PTPN5: variants seen among roughly 807,000 people sequenced by gnomAD.
PTPN5 encodes the protein tyrosine-protein phosphatase non-receptor type 5.
In PTPN5, 29 loss-of-function variants were observed where a neutral mutation model predicts 73.9. The ratio of observed to expected loss-of-function variants is 0.39; its 90% CI spans 0.29 to 0.54. The LOEUF is 0.54. Ranked by LOEUF, PTPN5 falls within the 20% of genes least tolerant of loss-of-function variation. The probability of loss-of-function intolerance (pLI) is 0.65; values close to 1 mark genes in which losing one functional copy is unlikely to be tolerated. For missense variants in PTPN5, 652 were observed against 751.4 expected (o/e 0.87, Z 1.55); for synonymous variants, 267 against 304.7 (o/e 0.88, Z 1.29).
intron 12 of PTPN5, chr11:18,730,040 T>C: frequency 3.3e-6 from 2 of 603,940 alleles, no homozygotes; most frequent in Non-Finnish European, 6.0e-6. Flanking sequence ...GCATGGATCT[T>C]GCCTTTGGTC....
Position 18,729,408 on chromosome 11 carries a change from G to A in PTPN5, c.1604+45C>T, listed in dbSNP as rs1848771185. 1.1e-6 allele frequency: 1 copy of A among 946,150 alleles called. No homozygotes were observed. The highest frequency in any genetic ancestry group is 1.3e-5 in the South Asian group (1 of 77,016). 58.6% of individuals were successfully genotyped at this position (946,150 alleles called of 1,614,324 possible). On this transcript the variant is annotated intron_variant, in intron 14 of 14. Transcript: ENST00000358540. This position sits in a 1 kb window ranked among gnomAD's most constrained non-coding sequence, Gnocchi z 5.2. ...TGGGTCTCTCCCTCTACCCGCTCGGGGCTCTAGCTCCCTTGTGTGTCCCCA... is the reference window on the plus strand; with the variant it reads ...TGGGTCTCTCCCTCTACCCGCTCGGAGCTCTAGCTCCCTTGTGTGTCCCCA...
intron 3 of PTPN5, among the ~76,000 whole-genome samples, chr11:18,758,845 A>G (rs1850266094): frequency 6.6e-6 from 1 of 152,168 alleles, no homozygotes; most frequent in Non-Finnish European, 1.5e-5. Context: ...GATGCAGGGG[A>G]CTGGACCAGA....
chr11:18,788,859 GGAT>G lies in PTPN5; in HGVS notation c.-114+2663_-114+2665del, dbSNP rs533882731. ...CTTAATTTCCCTATCTGCAAAATGA[GGAT>G]GATAACACTATTGTCACGGATGTCT... On this transcript the variant is annotated intron_variant, in intron 1 of 14. Transcript: ENST00000358540. Among the ~76,000 whole-genome samples the G allele has an allele frequency of 8.4e-4, 128 of 152,312 alleles. No individual in the cohort carries two copies. In the Middle Eastern group the frequency reaches 0.02, roughly 24 times the overall value.
At chr11:18,787,221 T>C (rs568915881) in intron 1 of PTPN5, among the ~76,000 whole-genome samples, 2 of 152,214 alleles carry the variant, frequency 1.3e-5, no homozygotes, top group Non-Finnish European at 2.9e-5. Context: ...TTGATCATAG[T>C]ACAGATTACT....
intron 3 of PTPN5, among the ~76,000 whole-genome samples, chr11:18,763,578 G>A (rs1301773327): frequency 6.6e-6 from 1 of 152,202 alleles, no homozygotes; most frequent in African/African-American, 2.4e-5. Flanking sequence ...AACCTATTAT[G>A]CTTATTACTG....
intron 1 of PTPN5, among the ~76,000 whole-genome samples, chr11:18,772,549 C>A (rs948401002): frequency 2.6e-5 from 4 of 152,112 alleles, no homozygotes; most frequent in African/African-American, 9.7e-5. Context: ...TGGGATGTGC[C>A]CAGACAAATG....
rs115132842 is a variant in PTPN5, at chr11:18,766,724, A to G, written c.21-841T>C. On this transcript the variant is annotated intron_variant, in intron 2 of 14. Coordinates refer to ENST00000358540, the MANE Select transcript of PTPN5 (RefSeq NM_006906.2). ...TCTTGAGGGCAACCACTTGACTCAC[A>G]GGGGGTCCCCTACCCTGGGAATGGC... Among the ~76,000 whole-genome samples the G allele has an allele frequency of 9.8e-3, 1,487 of 152,268 alleles. 31 individuals carry two copies. The highest frequency in any genetic ancestry group is 0.034 in the African/African-American group (1,410 of 41,548).
intron 1 of PTPN5, among the ~76,000 whole-genome samples, chr11:18,775,899 T>C (rs1851127395): frequency 6.6e-6 from 1 of 152,158 alleles, no homozygotes; most frequent in Admixed American, 6.5e-5. Flanking sequence ...AAACAGGCCT[T>C]GGTCCATGGA....
chr11:18,751,419 T>C (rs2134252533), intron 3 of PTPN5, among the ~76,000 whole-genome samples: 1 of 152,088 alleles, frequency 6.6e-6, no homozygotes, highest in African/African-American at 2.4e-5. Context: ...GAGGAAAAAA[T>C]TTCCAGCTTC....
intron 1 of PTPN5, among the ~76,000 whole-genome samples, chr11:18,777,191 AAAG>A (rs1477224233): frequency 2.6e-5 from 4 of 152,050 alleles, no homozygotes; most frequent in Non-Finnish European, 4.4e-5. Context: ...CAACACCATA[AAAG>A]TAGTAAACAC....
At chr11:18,778,496 G>A (rs1178783754) in intron 1 of PTPN5, among the ~76,000 whole-genome samples, 1 of 152,188 alleles carries the variant, frequency 6.6e-6, no homozygotes, top group African/African-American at 2.4e-5. Flanking sequence ...CAGTGTTGGA[G>A]GTGGGGCCTG....
chr11:18,777,318 G>A (rs1215518906), intron 1 of PTPN5, among the ~76,000 whole-genome samples: 4 of 152,214 alleles, frequency 2.6e-5, no homozygotes, highest in Non-Finnish European at 5.9e-5. Flanking sequence ...TGTGAAGCAA[G>A]GATAAATGTG....
At chr11:18,790,181 A>C (rs1851851723) in intron 1 of PTPN5, among the ~76,000 whole-genome samples, 1 of 151,526 alleles carries the variant, frequency 6.6e-6, no homozygotes, top group South Asian at 2.1e-4. Flanking sequence ...CTGAGAAACC[A>C]CCCGAACCTG....
At position 18,728,683 on chromosome 11, in the gene PTPN5, G is replaced by C. The variant is rs544274945; in HGVS notation, c.*251C>G. The C allele has an allele frequency of 1.0e-4, 48 of 457,790 alleles. No homozygotes were observed. Among genetic ancestry groups the C allele is most frequent in the African/African-American group, 9.4e-4 (47 of 49,836 alleles). 28.4% of individuals were successfully genotyped at this position (457,790 alleles called of 1,614,324 possible). ...AAAACTGGAGCCCGGGGTCTGCGTG[G>C]TGTGGGTCAGGCCCCGGGGCCCCAG... On this transcript the variant is annotated 3_prime_UTR_variant, in exon 15 of 15. Transcript: ENST00000358540. The surrounding 1 kb of genome is among the most constrained non-coding windows in gnomAD (Gnocchi z 4.1).
intron 3 of PTPN5, 187 bp from the exon 4 acceptor site, chr11:18,744,386 G>A: frequency 2.3e-6 from 1 of 435,664 alleles, no homozygotes; most frequent in African/African-American, 2.0e-5. Flanking sequence ...GCTAAGTGTG[G>A]GTGGACAAAT....
chr11:18,787,094 C>T (rs545342605), intron 1 of PTPN5, among the ~76,000 whole-genome samples: 37 of 152,258 alleles, frequency 2.4e-4, no homozygotes, highest in African/African-American at 8.7e-4. Flanking sequence ...ACTATTTCGT[C>T]TTAGTCAACA....
Position 18,728,908 on chromosome 11 carries a change from C to T in PTPN5, c.*26G>A, listed in dbSNP as rs764871927. 6.2e-7 allele frequency: 1 copy of T among 1,607,184 alleles called. No homozygotes were observed. The highest frequency in any genetic ancestry group is 8.5e-7 in the Non-Finnish European group (1 of 1,176,874). On this transcript the variant is annotated 3_prime_UTR_variant, in exon 15 of 15. Transcript: ENST00000358540. The surrounding 1 kb of genome is among the most constrained non-coding windows in gnomAD (Gnocchi z 4.1). ...GCCGAGACTCAGGCTGGGCAGTGCC[C>T]AGAGAACCTTGTAGGAGAAGCGCAG...
chr11:18,780,792 A>G (rs997047719), intron 1 of PTPN5, among the ~76,000 whole-genome samples: 3 of 152,154 alleles, frequency 2.0e-5, no homozygotes, highest in Admixed American at 1.3e-4. Flanking sequence ...TTTATCCCCC[A>G]CGACAGAAAG....
At chr11:18,737,274 A>C (rs994575770) in intron 9 of PTPN5, among the ~76,000 whole-genome samples, 1 of 152,180 alleles carries the variant, frequency 6.6e-6, no homozygotes, top group African/African-American at 2.4e-5. Context: ...AAAGGAGGAA[A>C]ACCCCTTTCA....
Sources: allele counts gnomAD v4.1 joint callset (sites outside exome capture counted in the v4.1 genomes callset), GRCh38; gene constraint gnomAD v4.1.1; non-coding constraint Gnocchi (gnomAD v3.1); transcripts MANE v1.5; gene names NCBI Gene and HGNC (gene_info 2026-07-23, HGNC 2026-07-21).